TMTC2: variants seen among roughly 807,000 people sequenced by gnomAD.
The protein encoded by TMTC2 is protein O-mannosyl-transferase TMTC2.
A neutral mutation model predicts 82.4 loss-of-function variants in TMTC2; 43 were observed. That is an observed-to-expected ratio of 0.52 (90% confidence interval 0.41 to 0.67). TMTC2 has a LOEUF of 0.67. TMTC2 is among the 30% of genes least tolerant of loss of function. TMTC2 has a pLI of 0.00. For synonymous variants in TMTC2, 408 were observed against 381.9 expected (o/e 1.07, Z -0.80); for missense variants, 919 against 1,012.4 (o/e 0.91, Z 1.25).
chr12:82,788,282 T>C (rs751724435), intron 1 of TMTC2, among the ~76,000 whole-genome samples: 12 of 152,154 alleles, frequency 7.9e-5, no homozygotes, highest in Non-Finnish European at 1.5e-4. Context: ...ACCCTTTATA[T>C]AAATATTTAG....
At chr12:82,712,196 C>T (rs1242637914) in intron 1 of TMTC2, among the ~76,000 whole-genome samples, 1 of 152,158 alleles carries the variant, frequency 6.6e-6, no homozygotes, top group Non-Finnish European at 1.5e-5. Context: ...TTTTGGGAGG[C>T]TGAGGCAAGT....
At chr12:82,687,742 T>A in intron 1 of TMTC2, 73 bp downstream of exon 1, 1 of 1,455,194 alleles carries the variant, frequency 6.9e-7, no homozygotes, top group Non-Finnish European at 9.5e-7. Flanking sequence ...CTTCCCTCTT[T>A]AAGGCTCAAA....
chr12:82,705,342 A>G (rs1358677411), intron 1 of TMTC2, among the ~76,000 whole-genome samples: 1 of 152,228 alleles, frequency 6.6e-6, no homozygotes, highest in African/African-American at 2.4e-5. Flanking sequence ...GATAAAAAAA[A>G]TTCAAAAAAA....
intron 2 of TMTC2, among the ~76,000 whole-genome samples, chr12:82,880,572 T>C (rs1000833574): frequency 1.3e-5 from 2 of 152,318 alleles, no homozygotes; most frequent in South Asian, 2.1e-4. Context: ...CCACTTCTTA[T>C]TCCCCTTTGC....
At chr12:82,976,265 A>C (rs1449075308) in intron 7 of TMTC2, among the ~76,000 whole-genome samples, 1 of 151,936 alleles carries the variant, frequency 6.6e-6, no homozygotes, top group Non-Finnish European at 1.5e-5. Context: ...ATATTTACAC[A>C]GGCTTCTGGC....
At chr12:82,806,173 A>C (rs1879232462) in intron 1 of TMTC2, among the ~76,000 whole-genome samples, 1 of 152,126 alleles carries the variant, frequency 6.6e-6, no homozygotes, top group South Asian at 2.1e-4. Context: ...AGATGGCAGC[A>C]ATCTAAGTGG....
At position 82,709,767 on chromosome 12, in the gene TMTC2, A is replaced by G. The variant is rs1262563202; in HGVS notation, c.83+22098A>G. On this transcript the variant is annotated intron_variant, in intron 1 of 11. Transcript: ENST00000321196. ...ATACTTATTTAAAGGGTATCATAAT[A>G]TTTTGAGTTTGGGGAAAGTTCAATC... Among the ~76,000 whole-genome samples the G allele has an allele frequency of 2.0e-5, 3 of 152,224 alleles. No individual in the cohort carries two copies. In the East Asian group the frequency reaches 5.8e-4, roughly 29 times the overall value.
At chr12:82,906,379 T>A (rs1410154579) in intron 3 of TMTC2, among the ~76,000 whole-genome samples, 1 of 152,052 alleles carries the variant, frequency 6.6e-6, no homozygotes, top group African/African-American at 2.4e-5. Context: ...AATTTACCAT[T>A]TAAGGCCAGA....
chr12:82,794,179 G>A (rs538775538), intron 1 of TMTC2, among the ~76,000 whole-genome samples: 1 of 152,284 alleles, frequency 6.6e-6, no homozygotes, highest in African/African-American at 2.4e-5. Context: ...ATGTGGGACA[G>A]GGCGCAGGCC....
chr12:82,811,943 G>A lies in TMTC2; in HGVS notation c.84-45067G>A, dbSNP rs144541024. Among the ~76,000 whole-genome samples the A allele has an allele frequency of 2.4e-3, 361 of 149,340 alleles. 1 individual carries two copies. Among genetic ancestry groups the A allele is most frequent in the Middle Eastern group, 0.014 (4 of 288 alleles). ...GCAATTCTCCTGCTTCAGTCCCCCC[G>A]AGCAGCTGGGATTATAGGCACCTGT... On this transcript the variant is annotated intron_variant, in intron 1 of 11. Transcript: ENST00000321196.
intron 1 of TMTC2, among the ~76,000 whole-genome samples, chr12:82,809,758 A>T (rs934975723): frequency 6.6e-6 from 1 of 152,090 alleles, no homozygotes; most frequent in Non-Finnish European, 1.5e-5. Context: ...CTAGAGTGTG[A>T]ATGTGAGTTG....
At chr12:82,963,217 C>T (rs772653407) in intron 4 of TMTC2, among the ~76,000 whole-genome samples, 4 of 151,856 alleles carry the variant, frequency 2.6e-5, no homozygotes, top group Non-Finnish European at 4.4e-5. Context: ...GAGGTGGATA[C>T]AAGAATGAAT....
At chr12:82,965,202 C>A in intron 5 of TMTC2, 93 bp downstream of exon 5, 1 of 930,432 alleles carries the variant, frequency 1.1e-6, no homozygotes, top group Non-Finnish European at 1.7e-6. Context: ...ACACTTGGTG[C>A]TCTTATTTCT....
intron 1 of TMTC2, among the ~76,000 whole-genome samples, chr12:82,734,742 C>CTTG (rs1330194499): frequency 6.6e-6 from 1 of 152,108 alleles, no homozygotes; most frequent in African/African-American, 2.4e-5. Context: ...GATGCCAGGA[C>CTTG]ATGTACTTGA....
At chr12:82,700,592 C>T (rs922479309) in intron 1 of TMTC2, among the ~76,000 whole-genome samples, 1 of 152,014 alleles carries the variant, frequency 6.6e-6, no homozygotes, top group Non-Finnish European at 1.5e-5. Context: ...TACCATTATA[C>T]ACACACACAG....
chr12:82,970,535 T>G (rs1200022), intron 7 of TMTC2, among the ~76,000 whole-genome samples: 13,999 of 144,382 alleles, frequency 0.097, 852 homozygotes, highest in African/African-American at 0.17. Flanking sequence ...GGGTTTCACC[T>G]TGTTAGCCAG....
intron 9 of TMTC2, among the ~76,000 whole-genome samples, chr12:83,042,177 G>GCT (rs1480859310): frequency 6.6e-6 from 1 of 152,194 alleles, no homozygotes; most frequent in Non-Finnish European, 1.5e-5. Context: ...AAGACCTGGA[G>GCT]CTCTCCTAGG....
intron 1 of TMTC2, among the ~76,000 whole-genome samples, chr12:82,772,015 T>C (rs1037250436): frequency 9.9e-5 from 15 of 152,202 alleles, no homozygotes; most frequent in African/African-American, 3.6e-4. Flanking sequence ...AACATCTCCC[T>C]CTGCTGCTGT....
intron 4 of TMTC2, among the ~76,000 whole-genome samples, chr12:82,949,346 A>G (rs947930129): frequency 3.3e-5 from 5 of 152,228 alleles, no homozygotes; most frequent in African/African-American, 1.2e-4. Context: ...GTTTTAAATA[A>G]AAATTCTCCC....
Sources: gnomAD v4.1 joint callset for allele counts (sites outside exome capture counted in the v4.1 genomes callset) on GRCh38, gnomAD v4.1.1 for gene constraint, MANE v1.5 for transcripts, NCBI Gene and HGNC (gene_info 2026-07-23, HGNC 2026-07-21) for gene names.